UBE2E2: variants seen among roughly 807,000 people sequenced by gnomAD.
The protein encoded by UBE2E2 is ubiquitin-conjugating enzyme E2 E2.
In UBE2E2, 6 loss-of-function variants were observed where a neutral mutation model predicts 24.7. The observed-to-expected ratio is 0.24, with a 90% CI of 0.13 to 0.48. The LOEUF (loss-of-function observed/expected upper bound fraction) is 0.48. Ranked by LOEUF, UBE2E2 falls within the 20% of genes least tolerant of loss-of-function variation. UBE2E2 has a pLI of 0.99. For missense variants in UBE2E2, 169 were observed against 245.0 expected, an observed-to-expected ratio of 0.69 and a Z score of 2.07; for synonymous variants, 104 against 83.6, an observed-to-expected ratio of 1.24 and a Z score of -1.33.
chr3:23,370,084 T>G (rs1575590540), intron 3 of UBE2E2, among the ~76,000 whole-genome samples: 1 of 152,234 alleles, frequency 6.6e-6, no homozygotes, highest in Admixed American at 6.5e-5. Context: ...CAGAACATGT[T>G]TCTGCTCTGT....
chr3:23,260,356 G>A (rs1024648793), intron 3 of UBE2E2, among the ~76,000 whole-genome samples: 11 of 152,212 alleles, frequency 7.2e-5, no homozygotes, highest in Non-Finnish European at 5.9e-5. Flanking sequence ...GTTTCATTCT[G>A]TACTTTTAAT....
intron 3 of UBE2E2, among the ~76,000 whole-genome samples, chr3:23,269,360 A>G (rs1365875978): frequency 6.6e-6 from 1 of 152,248 alleles, no homozygotes; most frequent in African/African-American, 2.4e-5. Flanking sequence ...TACAAGAGAA[A>G]AAACAAACCC....
chr3:23,263,931 C>A (rs767370666), intron 3 of UBE2E2, among the ~76,000 whole-genome samples: 4 of 152,160 alleles, frequency 2.6e-5, no homozygotes, highest in Non-Finnish European at 4.4e-5. Context: ...CTAGATTAGA[C>A]AACTCAGACT....
intron 3 of UBE2E2, among the ~76,000 whole-genome samples, chr3:23,340,251 T>C (rs140433620): frequency 1.3e-5 from 2 of 152,264 alleles, no homozygotes; most frequent in East Asian, 1.9e-4. Context: ...GATAATCATG[T>C]TTTCAGAATG....
chr3:23,564,108 A>G (rs1000386150), intron 5 of UBE2E2, among the ~76,000 whole-genome samples: 20 of 152,176 alleles, frequency 1.3e-4, no homozygotes, highest in Non-Finnish European at 2.6e-4. Flanking sequence ...CAGGGAAAAC[A>G]TTATAGGTAC....
At chr3:23,445,441 C>CA (rs912205749) in intron 3 of UBE2E2, among the ~76,000 whole-genome samples, 6 of 152,202 alleles carry the variant, frequency 3.9e-5, no homozygotes, top group African/African-American at 1.4e-4. Context: ...GCCAATGAAT[C>CA]AGAGTATATC....
intron 5 of UBE2E2, among the ~76,000 whole-genome samples, chr3:23,563,990 A>AG (rs60876162): frequency 7.0e-6 from 1 of 142,578 alleles, no homozygotes; most frequent in Non-Finnish European, 1.6e-5. Flanking sequence ...AAAGAAAGAA[A>AG]AAGAAAAGAA....
chr3:23,483,978 T>C (rs1016362983), intron 3 of UBE2E2, among the ~76,000 whole-genome samples: 1 of 152,202 alleles, frequency 6.6e-6, no homozygotes, highest in Admixed American at 6.5e-5. Context: ...GCGAACTTAA[T>C]GACCCCAAAA....
At chr3:23,527,057 A>T (rs1237467351) in intron 4 of UBE2E2, among the ~76,000 whole-genome samples, 6 of 152,240 alleles carry the variant, frequency 3.9e-5, no homozygotes. Context: ...ACATAAACAA[A>T]TGAAAAAGTG....
At chr3:23,218,847 G>A (rs977984361) in intron 3 of UBE2E2, among the ~76,000 whole-genome samples, 2 of 152,054 alleles carry the variant, frequency 1.3e-5, no homozygotes, top group African/African-American at 2.4e-5. Flanking sequence ...TTGAACCATA[G>A]TTCTATTAAA....
chr3:23,324,670 C>A (rs1166447629), intron 3 of UBE2E2, among the ~76,000 whole-genome samples: 1 of 151,646 alleles, frequency 6.6e-6, no homozygotes, highest in Non-Finnish European at 1.5e-5. Flanking sequence ...TTTTTGTATC[C>A]TGTTATCACA....
chr3:23,376,140 A>G (rs1696515832), intron 3 of UBE2E2, among the ~76,000 whole-genome samples: 1 of 152,176 alleles, frequency 6.6e-6, no homozygotes, highest in African/African-American at 2.4e-5. Flanking sequence ...CTGTCATCAT[A>G]CTCAAGTTTG....
chr3:23,318,544 A>G (rs917087093), intron 3 of UBE2E2, among the ~76,000 whole-genome samples: 1 of 152,208 alleles, frequency 6.6e-6, no homozygotes, highest in Non-Finnish European at 1.5e-5. Context: ...TCACAGTTCC[A>G]CGTGGCTGGG....
At chr3:23,348,320 G>A (rs2125316649) in intron 3 of UBE2E2, among the ~76,000 whole-genome samples, 1 of 147,902 alleles carries the variant, frequency 6.8e-6, no homozygotes, top group East Asian at 2.1e-4. Flanking sequence ...ACAGAAGGGT[G>A]GGAATAAAAT....
At chr3:23,369,799 T>C (rs192891799) in intron 3 of UBE2E2, among the ~76,000 whole-genome samples, 110 of 152,352 alleles carry the variant, frequency 7.2e-4, no homozygotes, top group Non-Finnish European at 1.2e-3. Context: ...AGTGATGTTT[T>C]TATATACCCT....
At chr3:23,529,257 A>G (rs1201826429) in intron 4 of UBE2E2, among the ~76,000 whole-genome samples, 5 of 152,252 alleles carry the variant, frequency 3.3e-5, no homozygotes, top group African/African-American at 1.2e-4. Context: ...ATAAAATTAC[A>G]TAGAACTAAA....
At chr3:23,503,307 A>C (rs1694326494) in intron 4 of UBE2E2, among the ~76,000 whole-genome samples, 1 of 151,896 alleles carries the variant, frequency 6.6e-6, no homozygotes. Flanking sequence ...TTCCTGCCTC[A>C]GCCTCCCGAG....
intron 5 of UBE2E2, among the ~76,000 whole-genome samples, chr3:23,587,578 G>C (rs1696655980): frequency 6.6e-6 from 1 of 152,172 alleles, no homozygotes; most frequent in African/African-American, 2.4e-5. Context: ...CCTACTCTTT[G>C]CATTCTAGAA....
chr3:23,556,454 TAAA>T (rs5847239), intron 5 of UBE2E2, among the ~76,000 whole-genome samples: 6 of 94,336 alleles, frequency 6.4e-5, no homozygotes, highest in African/African-American at 1.4e-4. Context: ...AAAATTTATT[TAAA>T]AAAAAAAAAA....
Sources: allele counts gnomAD v4.1 joint callset (sites outside exome capture counted in the v4.1 genomes callset), GRCh38; gene constraint gnomAD v4.1.1; transcripts MANE v1.5; gene names NCBI Gene and HGNC (gene_info 2026-07-23, HGNC 2026-07-21).